The following SCAF4 variants were observed in gnomAD, a reference collection of about 807,000 sequenced individuals.
SCAF4 encodes the protein SR-related CTD associated factor 4, also known as SR-related and CTD-associated factor 4.
A neutral mutation model predicts 129.8 loss-of-function variants in SCAF4; 25 were observed. The observed-to-expected ratio is 0.19, with a 90% CI of 0.14 to 0.27. The LOEUF is 0.27. Among genes scored for constraint, SCAF4 ranks in the 10% least tolerant of loss-of-function variants. SCAF4 has a pLI of 1.00. For missense variants in SCAF4, 1,246 were observed against 1,457.1 expected (o/e 0.86, Z 2.36); for synonymous variants, 551 against 497.7 (o/e 1.11, Z -1.43).
At chr21:31,716,548 T>G (rs2050923701) in intron 1 of SCAF4, among the ~76,000 whole-genome samples, 2 of 152,180 alleles carry the variant, frequency 1.3e-5, no homozygotes, top group African/African-American at 4.8e-5. Context: ...TTTATGTTTA[T>G]TAGCAACACA....
intron 1 of SCAF4, among the ~76,000 whole-genome samples, chr21:31,715,935 G>A (rs2050911160): frequency 6.6e-6 from 1 of 152,288 alleles, no homozygotes; most frequent in African/African-American, 2.4e-5. Context: ...ATGGTAGTCT[G>A]TTATAAATTG....
intron 1 of SCAF4, among the ~76,000 whole-genome samples, chr21:31,724,036 G>A (rs186361764): frequency 2.6e-5 from 4 of 151,954 alleles, no homozygotes; most frequent in African/African-American, 9.7e-5. Flanking sequence ...TGGAATATAG[G>A]GTTTCTGTAT....
At chr21:31,693,094 C>T (rs935827422) in intron 12 of SCAF4, among the ~76,000 whole-genome samples, 200 bp downstream of exon 12, 1 of 152,162 alleles carries the variant, frequency 6.6e-6, no homozygotes, top group Non-Finnish European at 1.5e-5. Context: ...CTTACTGCTG[C>T]TTTATAGCTG....
At chr21:31,712,805 C>T (rs776047273) in intron 1 of SCAF4, 61 of 738,806 alleles carry the variant, frequency 8.3e-5, no homozygotes, top group Non-Finnish European at 9.9e-5. Flanking sequence ...GCTGGGATTA[C>T]AGGCGTGAGC....
intron 1 of SCAF4, among the ~76,000 whole-genome samples, chr21:31,719,165 C>T (rs1429003479): frequency 1.3e-5 from 2 of 152,084 alleles, no homozygotes; most frequent in Non-Finnish European, 2.9e-5. Context: ...TGGCACATGC[C>T]TGTAATCCCA....
At chr21:31,722,770 T>C (rs1023312200) in intron 1 of SCAF4, among the ~76,000 whole-genome samples, 4 of 151,376 alleles carry the variant, frequency 2.6e-5, no homozygotes, top group Non-Finnish European at 5.9e-5. Context: ...CTGGCCAACA[T>C]TGAGAAACCC....
rs1052288227 is a variant in SCAF4 at position 31,731,977 on chromosome 21, G to A, written c.-285C>T. 3 of 474,876 alleles carry A rather than the reference G, an allele frequency of 6.3e-6. No individual in the cohort carries two copies. Among genetic ancestry groups the A allele is most frequent in the Admixed American group, 8.7e-5 (2 of 22,928 alleles). The allele number at this position is 474,876 out of a possible 1,614,324, so 29.4% of individuals were successfully genotyped here. A position where few individuals can be genotyped will look rare whatever the true frequency, so the allele number is the denominator to read the frequency against. ...ATGTCCGTTTGGTGGTGGCGGCTGC[G>A]CTCTGCGTCTCGCTGACACGGCCCC... On this transcript the variant is annotated 5_prime_UTR_variant, in exon 1 of 20. Transcript: ENST00000286835.
At chr21:31,714,544 TTATGAAGAATGATTCA>T (rs1250956775) in intron 1 of SCAF4, among the ~76,000 whole-genome samples, 1 of 152,160 alleles carries the variant, frequency 6.6e-6, no homozygotes, top group African/African-American at 2.4e-5. Context: ...CCTCTAAAAA[TTATGAAGAATGATTCA>T]TCCTGATCCC....
chr21:31,690,731 T>A, intron 15 of SCAF4, 66 bp downstream of exon 15: 8 of 1,443,416 alleles, frequency 5.5e-6, no homozygotes, highest in Non-Finnish European at 7.6e-6. Context: ...GAACAGGACA[T>A]TCGATTTGTC....
In SCAF4 at chr21:31,731,964, TG is replaced by T; in HGVS notation, c.-273del. Reference sequence around the variant, plus strand: ...GCTGGTCTTCAACATGTCCGTTTGGTGGTGGCGGCTGCGCTCTGCGTCTCGC... The same window carrying T: ...GCTGGTCTTCAACATGTCCGTTTGGTGTGGCGGCTGCGCTCTGCGTCTCGC... On this transcript the variant is annotated 5_prime_UTR_variant, in exon 1 of 20. Transcript: ENST00000286835. 1 of 476,056 alleles carries T rather than the reference TG, an allele frequency of 2.1e-6. No homozygotes were observed. Among genetic ancestry groups the T allele is most frequent in the East Asian group, 3.5e-5 (1 of 28,226 alleles). The allele number at this position is 476,056 out of a possible 1,614,324, so 29.5% of individuals were successfully genotyped here.
At chr21:31,731,519 C>A in intron 1 of SCAF4, 144 bp downstream of exon 1, 2 of 956,256 alleles carry the variant, frequency 2.1e-6, no homozygotes, top group East Asian at 3.1e-5. Context: ...GCCACAGGCC[C>A]CGCTCCGCGC....
In SCAF4 at chr21:31,723,638, G is replaced by GCA. The variant is rs1001244333; in HGVS notation, c.30+8024_30+8025insTG. ...TGTGTGTGTGTGTGTGTGCGCGCGC[G>GCA]CGCGCGCGCACATACAGTTCAAGTT... On this transcript the variant is annotated intron_variant, in intron 1 of 19. Coordinates refer to ENST00000286835, the MANE Select transcript of SCAF4 (RefSeq NM_020706.2). Among the ~76,000 whole-genome samples, 5 of 151,276 alleles carry GCA rather than the reference G, an allele frequency of 3.3e-5. No homozygotes were observed. In the East Asian group the frequency reaches 9.8e-4, roughly 30 times the overall value.
chr21:31,710,059 C>T (rs2050764005), intron 1 of SCAF4, among the ~76,000 whole-genome samples: 1 of 152,044 alleles, frequency 6.6e-6, no homozygotes, highest in South Asian at 2.1e-4. Context: ...AGGAAGGCAT[C>T]TGTGCCTGCC....
rs1485191331 is a variant in SCAF4 at position 31,732,002 on chromosome 21, C to T, written c.-310G>A. 1 of 472,148 alleles carries T rather than the reference C, an allele frequency of 2.1e-6. No homozygotes were observed. The highest frequency in any genetic ancestry group is 3.7e-6 in the Non-Finnish European group (1 of 272,516). The allele number at this position is 472,148 out of a possible 1,614,324, so 29.2% of individuals were successfully genotyped here. On this transcript the variant is annotated 5_prime_UTR_variant, in exon 1 of 20. Transcript: ENST00000286835. ...GCTCTGCGTCTCGCTGACACGGCCC[C>T]CCGCGCCCTCACGCACTGGCTCACA...
At chr21:31,688,660 G>A (rs923940567) in intron 15 of SCAF4, among the ~76,000 whole-genome samples, 196 bp from the exon 16 acceptor site, 2 of 152,242 alleles carry the variant, frequency 1.3e-5, no homozygotes, top group Non-Finnish European at 2.9e-5. Context: ...GCCAGGCACT[G>A]TCACAAGCAC....
intron 1 of SCAF4, among the ~76,000 whole-genome samples, chr21:31,727,179 A>G (rs2051226954): frequency 6.6e-6 from 1 of 152,036 alleles, no homozygotes; most frequent in Non-Finnish European, 1.5e-5. Context: ...CCAGGGTTCA[A>G]ACAATTCTCC....
Position 31,732,015 on chromosome 21 carries a change from GCACTGGCTCA to G in SCAF4, c.-333_-324del. 2.1e-6 allele frequency: 1 copy of G among 470,862 alleles called. No homozygotes were observed. 29.2% of individuals were successfully genotyped at this position (470,862 alleles called of 1,614,324 possible). On this transcript the variant is annotated 5_prime_UTR_variant, in exon 1 of 20. Transcript: ENST00000286835. ...CTGACACGGCCCCCCGCGCCCTCAC[GCACTGGCTCA>G]CACTGGCCCGGCCGGCGAGCGGGCG...
rs915086262 is a variant in SCAF4 at position 31,732,061 on chromosome 21, T to C, written c.-369A>G. 2 of 419,832 alleles carry C rather than the reference T, an allele frequency of 4.8e-6. No homozygotes were observed. The highest frequency in any genetic ancestry group is 8.3e-6 in the Non-Finnish European group (2 of 240,630). The allele number at this position is 419,832 out of a possible 1,614,324, so 26.0% of individuals were successfully genotyped here. A position where few individuals can be genotyped will look rare whatever the true frequency, so the allele number is the denominator to read the frequency against. On this transcript the variant is annotated 5_prime_UTR_variant, in exon 1 of 20. Transcript: ENST00000286835. ...GCCGGCGAGCGGGCGGGCCTCTCTC[T>C]CCCTCTCTCCAGCGGGATGGCGGCA... is the stretch of plus-strand genomic sequence containing the variant.
At chr21:31,723,456 A>AAAAAC (rs952992418) in intron 1 of SCAF4, among the ~76,000 whole-genome samples, 1 of 152,132 alleles carries the variant, frequency 6.6e-6, no homozygotes, top group African/African-American at 2.4e-5. Flanking sequence ...CCGTCTCAAA[A>AAAAAC]AAAACAAAAC....
Sources: allele counts gnomAD v4.1 joint callset (sites outside exome capture counted in the v4.1 genomes callset), GRCh38; gene constraint gnomAD v4.1.1; transcripts MANE v1.5; gene names NCBI Gene and HGNC (gene_info 2026-07-23, HGNC 2026-07-21).